Variants in ATP2B2 observed in about 807,000 individuals in gnomAD.
The protein encoded by ATP2B2 is ATPase plasma membrane Ca2+ transporting 2, also known as plasma membrane calcium-transporting ATPase 2.
ATP2B2 carries 15 observed loss-of-function variants against 120.0 expected under a neutral mutation model. The ratio of observed to expected loss-of-function variants is 0.12; its 90% CI spans 0.08 to 0.19. ATP2B2 has a LOEUF of 0.19. Ranked by LOEUF, ATP2B2 falls within the 10% of genes least tolerant of loss-of-function variation. The pLI, the probability that ATP2B2 is intolerant of heterozygous loss-of-function variation, is 1.00. For missense variants in ATP2B2, 1,045 were observed against 1,719.8 expected, an observed-to-expected ratio of 0.61 and a Z score of 6.94; for synonymous variants, 694 against 700.3, an observed-to-expected ratio of 0.99 and a Z score of 0.14.
intron 2 of ATP2B2, among the ~76,000 whole-genome samples, chr3:10,429,999 A>G (rs552329180): frequency 1.3e-5 from 2 of 152,348 alleles, no homozygotes; most frequent in East Asian, 3.9e-4. Context: ...AGTGAGGAAG[A>G]TGCAGAAGAA....
chr3:10,347,743 C>T lies in ATP2B2; in HGVS notation c.2405-1606G>A, dbSNP rs908635745. 2.6e-5 allele frequency among the ~76,000 whole-genome samples: 4 copies of T among 152,294 alleles called. No individual in the cohort carries two copies. Among genetic ancestry groups the T allele is most frequent in the Admixed American group, 2.0e-4 (3 of 15,298 alleles). ...TCTGCCCTGTGGCTCCCAGGTGGTG[C>T]GGACCGTTGCGTAGCTCAAGCTGTG... is the stretch of plus-strand genomic sequence containing the variant. On this transcript the variant is annotated intron_variant, in intron 16 of 22. Transcript: ENST00000360273. The surrounding 1 kb of genome is among the most constrained non-coding windows in gnomAD (Gnocchi z 5.2).
At chr3:10,601,907 A>G (rs975395590) in intron 2 of ATP2B2, among the ~76,000 whole-genome samples, 2 of 152,000 alleles carry the variant, frequency 1.3e-5, no homozygotes, top group Non-Finnish European at 2.9e-5. Context: ...ATTTGTCTTC[A>G]TTTCCCCCCA....
chr3:10,466,224 T>C (rs573397644), intron 1 of ATP2B2, among the ~76,000 whole-genome samples: 52 of 152,370 alleles, frequency 3.4e-4, no homozygotes, highest in Non-Finnish European at 5.7e-4. Flanking sequence ...ATTTTTGTTG[T>C]TGTATATTTA....
At chr3:10,650,770 C>T (rs1309169467) in intron 1 of ATP2B2, among the ~76,000 whole-genome samples, 1 of 152,158 alleles carries the variant, frequency 6.6e-6, no homozygotes, top group Non-Finnish European at 1.5e-5. Context: ...ACAGCTTGCA[C>T]CGTGCACCTG....
chr3:10,465,307 C>A (rs1358832873), intron 1 of ATP2B2, among the ~76,000 whole-genome samples: 1 of 152,254 alleles, frequency 6.6e-6, no homozygotes, highest in Non-Finnish European at 1.5e-5. Flanking sequence ...CAGCAATCAG[C>A]AATGGCCCTG....
At chr3:10,391,489 C>T (rs73016609) in intron 5 of ATP2B2, among the ~76,000 whole-genome samples, 13 of 152,282 alleles carry the variant, frequency 8.5e-5, no homozygotes, top group African/African-American at 2.4e-4. Context: ...TTTCCACCCA[C>T]GATAATCAGA....
At chr3:10,686,039 CTTTCT>C (rs1156648032) in intron 1 of ATP2B2, among the ~76,000 whole-genome samples, 2 of 119,754 alleles carry the variant, frequency 1.7e-5, no homozygotes, top group Non-Finnish European at 3.2e-5. Flanking sequence ...TTCTTTCCTC[CTTTCT>C]TTTTTTTTTT....
At chr3:10,474,080 C>T (rs906639563) in intron 1 of ATP2B2, among the ~76,000 whole-genome samples, 5 of 151,710 alleles carry the variant, frequency 3.3e-5, no homozygotes, top group African/African-American at 1.2e-4. Context: ...AGGGACAGGT[C>T]TTGCCTGCAG....
At position 10,350,449 on chromosome 3, in the gene ATP2B2, C is replaced by T. The variant is rs1213985192; in HGVS notation, c.2265G>A (p.Leu755=). The change falls in exon 15 of 23, where the codon CTG becomes CTA. Residue 755 remains leucine, a synonymous_variant. Transcript: ENST00000360273. ...CGIIHPGEDF[L]CLEGKEFNRR... is the part of the protein sequence containing the mutation. ...TGTTGAACTCCTTGCCCTCGAGGCACAGAAAGTCCTCCCCAGGATGGATGA... is the reference window on the plus strand; with the variant it reads ...TGTTGAACTCCTTGCCCTCGAGGCATAGAAAGTCCTCCCCAGGATGGATGA... 2 of 1,614,254 alleles carry T rather than the reference C, an allele frequency of 1.2e-6. No individual in the cohort carries two copies. The highest frequency in any genetic ancestry group is 2.2e-5 in the South Asian group (2 of 91,086).
At chr3:10,370,770 T>C (rs567878189) in intron 12 of ATP2B2, among the ~76,000 whole-genome samples, 3 of 152,246 alleles carry the variant, frequency 2.0e-5, no homozygotes, top group African/African-American at 7.2e-5. Flanking sequence ...GCTCAGCACA[T>C]TGGGAGGGTA....
intron 17 of ATP2B2, 47 bp from the exon 18 acceptor site, chr3:10,345,622 G>A (rs1038567176): frequency 1.3e-6 from 2 of 1,579,884 alleles, no homozygotes; most frequent in East Asian, 2.2e-5. Flanking sequence ...CGGGGGAGGT[G>A]ACCACTTCTA....
At chr3:10,478,479 C>T (rs147276969) in intron 1 of ATP2B2, among the ~76,000 whole-genome samples, 125 of 152,258 alleles carry the variant, frequency 8.2e-4, no homozygotes, top group African/African-American at 2.8e-3. Flanking sequence ...CCTATGTCTT[C>T]TGTCTCCATT....
rs183825821 is a variant in ATP2B2 at position 10,442,554 on chromosome 3, A to G, written c.199+6791T>C. 1.7e-3 allele frequency among the ~76,000 whole-genome samples: 256 copies of G among 152,334 alleles called. 1 individual carries two copies. Among genetic ancestry groups the G allele is most frequent in the African/African-American group, 5.6e-3 (232 of 41,566 alleles). On this transcript the variant is annotated intron_variant, in intron 2 of 22. Transcript: ENST00000360273. ...GCAGCATTCTGGAAAGCATCCACACATGATTCATTGGAACTTCACATTAAA... is the reference window on the plus strand; with the variant it reads ...GCAGCATTCTGGAAAGCATCCACACGTGATTCATTGGAACTTCACATTAAA...
chr3:10,624,834 TG>T (rs1266002908), intron 1 of ATP2B2, among the ~76,000 whole-genome samples: 1 of 152,110 alleles, frequency 6.6e-6, no homozygotes, highest in African/African-American at 2.4e-5. Context: ...CAAAGCCCAA[TG>T]TTGTGTTTTT....
intron 1 of ATP2B2, among the ~76,000 whole-genome samples, chr3:10,486,660 C>T (rs1187727086): frequency 6.6e-6 from 1 of 152,106 alleles, no homozygotes; most frequent in Non-Finnish European, 1.5e-5. Flanking sequence ...CAGGGAGCCC[C>T]TTCGATTCTC....
intron 16 of ATP2B2, among the ~76,000 whole-genome samples, chr3:10,348,400 T>C (rs1489128019): frequency 6.6e-6 from 1 of 152,200 alleles, no homozygotes; most frequent in Non-Finnish European, 1.5e-5. Flanking sequence ...TCTAAAATGA[T>C]GCTTCTACCC....
chr3:10,493,402 G>A (rs749060294), intron 1 of ATP2B2, among the ~76,000 whole-genome samples: 5 of 152,120 alleles, frequency 3.3e-5, no homozygotes, highest in Admixed American at 2.0e-4. Context: ...AGACAGGAAA[G>A]AGGCTGATGA....
At chr3:10,637,307 AT>A (rs1299508396) in intron 1 of ATP2B2, among the ~76,000 whole-genome samples, 2 of 152,258 alleles carry the variant, frequency 1.3e-5, no homozygotes, top group Non-Finnish European at 2.9e-5. Flanking sequence ...GAATCAGGAA[AT>A]TACAATCAAA....
In ATP2B2 at chr3:10,359,867, C is replaced by T; in HGVS notation, c.1901+15G>A. The T allele has an allele frequency of 6.2e-7, 1 of 1,614,182 alleles. No individual in the cohort carries two copies. Among genetic ancestry groups the T allele is most frequent in the South Asian group, 1.1e-5 (1 of 91,086 alleles). ...GGGCACAGCCCTCAGCCCCGGTGCC[C>T]TGCCCAGCGCTTACTTCTTGAGCAC... On this transcript the variant is annotated intron_variant, in intron 13 of 22. Coordinates refer to ENST00000360273, the MANE Select transcript of ATP2B2 (RefSeq NM_001001331.4).
Sources: gnomAD v4.1 joint callset for allele counts (sites outside exome capture counted in the v4.1 genomes callset) on GRCh38, gnomAD v4.1.1 for gene constraint, Gnocchi (gnomAD v3.1) non-coding constraint, MANE v1.5 for transcripts, NCBI Gene and HGNC (gene_info 2026-07-23, HGNC 2026-07-21) for gene names.